LRMDA: variants seen among roughly 807,000 people sequenced by gnomAD.
The protein encoded by LRMDA is leucine-rich melanocyte differentiation-associated protein.
LRMDA carries 18 observed loss-of-function variants against 29.8 expected under a neutral mutation model. The observed-to-expected ratio is 0.60, with a 90% CI of 0.42 to 0.90. LRMDA has a LOEUF of 0.90. LRMDA is among the 40% of genes least tolerant of loss of function. The pLI is 0.00. For missense variants in LRMDA, 273 were observed against 273.9 expected (o/e 1.00, Z 0.02); for synonymous variants, 125 against 109.4 (o/e 1.14, Z -0.89).
intron 2 of LRMDA, among the ~76,000 whole-genome samples, chr10:75,792,147 C>T (rs1026306026): frequency 5.3e-5 from 8 of 152,060 alleles, no homozygotes; most frequent in South Asian, 2.1e-4. Flanking sequence ...CCACCTTGCC[C>T]GGCCCCAGGA....
intron 6 of LRMDA, among the ~76,000 whole-genome samples, chr10:76,363,317 A>AAAAAG (rs537896967): frequency 9.8e-5 from 12 of 122,324 alleles, no homozygotes; most frequent in South Asian, 9.6e-4. Context: ...GGGAGGAAGG[A>AAAAAG]AAAAGAAAAG....
At chr10:75,688,294 A>C (rs1196307588) in intron 2 of LRMDA, among the ~76,000 whole-genome samples, 1 of 152,238 alleles carries the variant, frequency 6.6e-6, no homozygotes, top group Non-Finnish European at 1.5e-5. Context: ...TTTGTGATTC[A>C]TGAGAGGAAT....
intron 2 of LRMDA, among the ~76,000 whole-genome samples, chr10:75,552,148 C>G (rs1840158599): frequency 6.6e-6 from 1 of 152,146 alleles, no homozygotes; most frequent in African/African-American, 2.4e-5. Context: ...TTCTGTAGAT[C>G]TGAATTTCCT....
chr10:75,959,987 C>G (rs1384000722), intron 2 of LRMDA, among the ~76,000 whole-genome samples: 5 of 152,194 alleles, frequency 3.3e-5, no homozygotes, highest in Non-Finnish European at 7.3e-5. Flanking sequence ...AATTCTAACA[C>G]AGGTTTAGTT....
chr10:76,168,812 T>G (rs1850785425), intron 5 of LRMDA, among the ~76,000 whole-genome samples: 1 of 152,228 alleles, frequency 6.6e-6, no homozygotes. Context: ...TTTTGCTTTA[T>G]GTTCTTAAAA....
chr10:76,247,745 G>A (rs1296037650), intron 5 of LRMDA, among the ~76,000 whole-genome samples: 1 of 152,030 alleles, frequency 6.6e-6, no homozygotes. Flanking sequence ...TGGTCAGTAG[G>A]GCGTTAGCAA....
At chr10:75,538,460 A>C (rs1430874236) in intron 2 of LRMDA, among the ~76,000 whole-genome samples, 1 of 152,200 alleles carries the variant, frequency 6.6e-6, no homozygotes, top group Non-Finnish European at 1.5e-5. Context: ...GCGATTCAAA[A>C]GATGTAAGTG....
chr10:75,572,722 A>G (rs1840453064), intron 2 of LRMDA, among the ~76,000 whole-genome samples: 1 of 152,234 alleles, frequency 6.6e-6, no homozygotes, highest in African/African-American at 2.4e-5. Context: ...CTTTGAAGAT[A>G]CTATTCTGTT....
At chr10:75,809,426 C>A (rs1843917145) in intron 2 of LRMDA, among the ~76,000 whole-genome samples, 1 of 152,064 alleles carries the variant, frequency 6.6e-6, no homozygotes, top group Non-Finnish European at 1.5e-5. Flanking sequence ...GGCAGATCAC[C>A]TGAGGTCAGG....
At chr10:75,810,918 C>T (rs1422673957) in intron 2 of LRMDA, among the ~76,000 whole-genome samples, 2 of 152,142 alleles carry the variant, frequency 1.3e-5, no homozygotes, top group Non-Finnish European at 2.9e-5. Flanking sequence ...CTATTGTATT[C>T]AGTTTCCAGA....
intron 5 of LRMDA, among the ~76,000 whole-genome samples, chr10:76,112,871 C>T (rs1032957069): frequency 1.8e-4 from 27 of 152,160 alleles, no homozygotes; most frequent in Admixed American, 1.6e-3. Flanking sequence ...TTGTCTGTAT[C>T]AGCAGAGGTA....
At chr10:76,349,374 C>G (rs1841147583) in intron 6 of LRMDA, among the ~76,000 whole-genome samples, 1 of 152,030 alleles carries the variant, frequency 6.6e-6, no homozygotes, top group African/African-American at 2.4e-5. Flanking sequence ...CCAGATTTGG[C>G]CCATGGGAGC....
intron 2 of LRMDA, among the ~76,000 whole-genome samples, chr10:75,562,342 T>G (rs945682820): frequency 6.6e-6 from 1 of 152,114 alleles, no homozygotes; most frequent in African/African-American, 2.4e-5. Flanking sequence ...TATCAGAGAC[T>G]AGGACTGCAA....
At chr10:75,909,304 T>G (rs942597081) in intron 2 of LRMDA, among the ~76,000 whole-genome samples, 6 of 152,152 alleles carry the variant, frequency 3.9e-5, no homozygotes, top group African/African-American at 1.4e-4. Flanking sequence ...TTATTTGGAA[T>G]GAAATCATAT....
At chr10:75,503,638 C>T (rs566308212) in intron 2 of LRMDA, among the ~76,000 whole-genome samples, 67 of 152,132 alleles carry the variant, frequency 4.4e-4, no homozygotes, top group African/African-American at 1.5e-3. Context: ...TTTGTTAGAG[C>T]ATTAACCACC....
At chr10:76,392,583 G>A (rs529429579) in intron 6 of LRMDA, among the ~76,000 whole-genome samples, 4 of 152,080 alleles carry the variant, frequency 2.6e-5, no homozygotes, top group Admixed American at 2.6e-4. Context: ...TGTCACATTG[G>A]TGTCCAACAA....
chr10:75,784,482 G>C (rs1299360547), intron 2 of LRMDA, among the ~76,000 whole-genome samples: 1 of 152,062 alleles, frequency 6.6e-6, no homozygotes, highest in Non-Finnish European at 1.5e-5. Flanking sequence ...GGAGGATCAC[G>C]AGGTCAGGAG....
intron 5 of LRMDA, among the ~76,000 whole-genome samples, chr10:76,211,966 A>G (rs1277353670): frequency 6.6e-6 from 1 of 152,158 alleles, no homozygotes. Flanking sequence ...TTGCTGTCTC[A>G]TCACTCCTTA....
At chr10:75,646,610 T>C (rs1841524901) in intron 2 of LRMDA, among the ~76,000 whole-genome samples, 1 of 152,232 alleles carries the variant, frequency 6.6e-6, no homozygotes, top group Non-Finnish European at 1.5e-5. Context: ...TTTTGATTAA[T>C]GTGATTCCAT....
Sources: gnomAD v4.1 joint callset for allele counts (sites outside exome capture counted in the v4.1 genomes callset) on GRCh38, gnomAD v4.1.1 for gene constraint, MANE v1.5 for transcripts, NCBI Gene and HGNC (gene_info 2026-07-23, HGNC 2026-07-21) for gene names.